The following RGS6 variants were observed in gnomAD, a reference collection of about 807,000 sequenced individuals.
RGS6 encodes regulator of G protein signaling 6.
Under a neutral mutation model 78.5 loss-of-function variants are expected in RGS6, and 30 were observed. The observed-to-expected ratio is 0.38, with a 90% confidence interval of 0.29 to 0.52. The LOEUF (loss-of-function observed/expected upper bound fraction) is 0.52, where lower values mean the gene tolerates loss of function less well. Among genes scored for constraint, RGS6 ranks in the 20% least tolerant of loss-of-function variants. The probability of loss-of-function intolerance (pLI) is 0.85; values close to 1 mark genes in which losing one functional copy is unlikely to be tolerated. For synonymous variants in RGS6, 206 were observed against 206.0 expected (o/e 1.00, Z 0.00); for missense variants, 495 against 609.7 (o/e 0.81, Z 1.98).
intron 2 of RGS6, among the ~76,000 whole-genome samples, chr14:72,269,391 C>T (rs1425638850): frequency 6.6e-6 from 1 of 152,166 alleles, no homozygotes; most frequent in Non-Finnish European, 1.5e-5. Flanking sequence ...CTTCCTTTCT[C>T]ACTTTCTCCC....
At chr14:71,899,296 C>T in the RGS6 span, among the ~76,000 whole-genome samples, 1 of 152,204 alleles carries the variant, frequency 6.6e-6, no homozygotes, top group African/African-American at 2.4e-5. Context: ...CACGAAAATT[C>T]TTCATTAGAG....
At chr14:72,435,775 T>C (rs547159892) in intron 3 of RGS6, among the ~76,000 whole-genome samples, 5 of 131,536 alleles carry the variant, frequency 3.8e-5, no homozygotes, top group African/African-American at 1.4e-4. Flanking sequence ...GCCCCTGCTG[T>C]GTTATCACAT....
intron 2 of RGS6, among the ~76,000 whole-genome samples, chr14:71,975,059 T>TGG (rs2094035126): frequency 1.3e-5 from 2 of 151,904 alleles, no homozygotes; most frequent in Admixed American, 6.6e-5. Flanking sequence ...GAGGTGGAGG[T>TGG]GGGGGAATCA....
At chr14:72,074,424 C>T in intron 2 of RGS6, among the ~76,000 whole-genome samples, 1 of 152,168 alleles carries the variant, frequency 6.6e-6, no homozygotes, top group East Asian at 1.9e-4. Flanking sequence ...TCTTGAACTC[C>T]TGGCCTCAAG....
At chr14:72,410,519 G>A (rs1208439533) in intron 3 of RGS6, among the ~76,000 whole-genome samples, 8 of 152,146 alleles carry the variant, frequency 5.3e-5, no homozygotes, top group Non-Finnish European at 8.8e-5. Flanking sequence ...TCTGTAGGTT[G>A]CCTGTTCACT....
chr14:72,317,450 A>G (rs780754106), intron 2 of RGS6, among the ~76,000 whole-genome samples: 2 of 152,184 alleles, frequency 1.3e-5, no homozygotes, highest in African/African-American at 2.4e-5. Flanking sequence ...TTAGGGGCTT[A>G]TGAATGGTGA....
At chr14:72,410,013 G>A (rs554154111) in intron 3 of RGS6, among the ~76,000 whole-genome samples, 143 of 152,206 alleles carry the variant, frequency 9.4e-4, no homozygotes, top group South Asian at 3.5e-3. Flanking sequence ...GAATAGTGCC[G>A]CAATAAACAT....
chr14:72,333,107 T>C (rs1184319817), intron 2 of RGS6, among the ~76,000 whole-genome samples: 1 of 152,210 alleles, frequency 6.6e-6, no homozygotes, highest in Non-Finnish European at 1.5e-5. Context: ...TCTATGGGAC[T>C]CCACCCCACT....
At chr14:72,589,562 A>G in the RGS6 span, among the ~76,000 whole-genome samples, 1 of 151,532 alleles carries the variant, frequency 6.6e-6, no homozygotes, top group Non-Finnish European at 1.5e-5. Context: ...AAGAAAAAAA[A>G]ATTGATGTAA....
intron 2 of RGS6, among the ~76,000 whole-genome samples, chr14:72,148,069 T>C (rs1294595061): frequency 6.8e-6 from 1 of 148,064 alleles, no homozygotes; most frequent in Non-Finnish European, 1.5e-5. Flanking sequence ...AGGCAGAGCT[T>C]GCAGTGAGCC....
chr14:72,620,549 G>A, the RGS6 span, among the ~76,000 whole-genome samples: 1 of 152,190 alleles, frequency 6.6e-6, no homozygotes, highest in Non-Finnish European at 1.5e-5. Flanking sequence ...CCGGGTGAGA[G>A]CAGGGCACCC....
chr14:72,034,543 C>G (rs1200791574), intron 2 of RGS6, among the ~76,000 whole-genome samples: 1 of 152,012 alleles, frequency 6.6e-6, no homozygotes, highest in Non-Finnish European at 1.5e-5. Context: ...TGTATAATTA[C>G]TTTAATGTGC....
chr14:71,870,303 AAGC>A, the RGS6 span, among the ~76,000 whole-genome samples: 1 of 152,196 alleles, frequency 6.6e-6, no homozygotes, highest in Non-Finnish European at 1.5e-5. Context: ...TTCACCTAGA[AAGC>A]AGGAGGAAAA....
chr14:71,867,917 T>A, the RGS6 span, among the ~76,000 whole-genome samples: 1 of 152,142 alleles, frequency 6.6e-6, no homozygotes, highest in African/African-American at 2.4e-5. Flanking sequence ...ATCCTGAAGA[T>A]GTGATCGCTC....
At chr14:72,097,838 T>G (rs929019029) in intron 2 of RGS6, among the ~76,000 whole-genome samples, 1 of 152,140 alleles carries the variant, frequency 6.6e-6, no homozygotes, top group African/African-American at 2.4e-5. Flanking sequence ...TTCCTCAGAT[T>G]GTAGCTCCTT....
intron 2 of RGS6, among the ~76,000 whole-genome samples, chr14:72,298,672 T>TCTCCTGAC (rs1390348611): frequency 6.6e-6 from 1 of 152,012 alleles, no homozygotes; most frequent in Non-Finnish European, 1.5e-5. Flanking sequence ...ATGGTCTCCA[T>TCTCCTGAC]CTCCTGACCT....
intron 2 of RGS6, among the ~76,000 whole-genome samples, chr14:72,221,073 C>T (rs917510796): frequency 6.6e-5 from 10 of 152,210 alleles, no homozygotes; most frequent in African/African-American, 2.4e-4. Flanking sequence ...CCTCATCACT[C>T]ACTCCTATCT....
intron 2 of RGS6, among the ~76,000 whole-genome samples, chr14:72,154,346 A>T (rs2096739388): frequency 6.6e-6 from 1 of 152,300 alleles, no homozygotes; most frequent in East Asian, 1.9e-4. Context: ...TCCTGAGGTG[A>T]TGTACCTCCT....
chr14:72,038,207 C>T (rs1021322094), intron 2 of RGS6, among the ~76,000 whole-genome samples: 1 of 152,044 alleles, frequency 6.6e-6, no homozygotes, highest in African/African-American at 2.4e-5. Flanking sequence ...TGGCCTCAAT[C>T]AATCCGCCTG....
Sources: gnomAD v4.1 joint callset for allele counts (sites outside exome capture counted in the v4.1 genomes callset) on GRCh38, gnomAD v4.1.1 for gene constraint, MANE v1.5 for transcripts, NCBI Gene and HGNC (gene_info 2026-07-23, HGNC 2026-07-21) for gene names.